DNAH3: variants seen among roughly 807,000 people sequenced by gnomAD.
The protein encoded by DNAH3 is dynein axonemal heavy chain 3, also known as axonemal beta dynein heavy chain 3.
DNAH3 carries 332 observed loss-of-function variants against 432.5 expected under a neutral mutation model. The observed-to-expected ratio is 0.77, with a 90% CI of 0.70 to 0.84. DNAH3 has a LOEUF of 0.84. Among genes scored for constraint, DNAH3 ranks in the 40% least tolerant of loss-of-function variants. DNAH3 has a pLI of 0.00. For synonymous variants in DNAH3, 1,956 were observed against 1,900.2 expected, an observed-to-expected ratio of 1.03 and a Z score of -0.76; for missense variants, 4,861 against 5,114.0, an observed-to-expected ratio of 0.95 and a Z score of 1.51.
chr16:20,939,413 AC>A (rs1179745318), intron 59 of DNAH3, among the ~76,000 whole-genome samples: 4 of 152,146 alleles, frequency 2.6e-5, no homozygotes, highest in Non-Finnish European at 5.9e-5. Flanking sequence ...GGAGTTCGAG[AC>A]CAGCCTGGCC....
chr16:21,122,198 T>C lies in DNAH3; in HGVS notation c.1405-74A>G. The C allele has an allele frequency of 7.3e-6, 9 of 1,225,728 alleles. 2 individuals carry two copies. The South Asian group carries it at 1.2e-4, about 16-fold the overall frequency. The allele number at this position is 1,225,728 out of a possible 1,614,324, so 75.9% of individuals were successfully genotyped here. Reference sequence around the variant, plus strand: ...AAATCAAGGGAGTGAATTTTATACATTCATAGAACTACATGAGGACCAGAA... The same window carrying C: ...AAATCAAGGGAGTGAATTTTATACACTCATAGAACTACATGAGGACCAGAA... On this transcript the variant is annotated intron_variant, in intron 9 of 61. Transcript: ENST00000261383.
intron 41 of DNAH3, among the ~76,000 whole-genome samples, chr16:21,015,284 T>C (rs2087801553): frequency 6.6e-6 from 1 of 152,184 alleles, no homozygotes; most frequent in Non-Finnish European, 1.5e-5. Flanking sequence ...TATTGCTAAG[T>C]GAAATAAGGC....
At chr16:20,945,547 G>A (rs1383488550) in intron 57 of DNAH3, among the ~76,000 whole-genome samples, 1 of 151,304 alleles carries the variant, frequency 6.6e-6, no homozygotes, top group Non-Finnish European at 1.5e-5. Flanking sequence ...CTGGAGTGCA[G>A]TGGTACTATC....
At chr16:20,961,078 C>G (rs1323739101) in intron 53 of DNAH3, among the ~76,000 whole-genome samples, 1 of 152,026 alleles carries the variant, frequency 6.6e-6, no homozygotes, top group Non-Finnish European at 1.5e-5. Flanking sequence ...TAAAAAAAAA[C>G]CTACACGAGG....
chr16:20,993,308 CATA>C (rs1270464708), intron 44 of DNAH3, among the ~76,000 whole-genome samples: 2 of 152,162 alleles, frequency 1.3e-5, no homozygotes, highest in Admixed American at 1.3e-4. Context: ...ATACTCTTTA[CATA>C]ATATCACCTC....
intron 11 of DNAH3, among the ~76,000 whole-genome samples, chr16:21,119,900 G>C (rs1394164967): frequency 1.3e-5 from 2 of 152,036 alleles, no homozygotes; most frequent in Non-Finnish European, 2.9e-5. Context: ...ATGTTGGCCA[G>C]GCTGGTATTG....
rs765252417 is a variant in DNAH3, at chr16:21,033,931, G to A, written c.5197+43C>T. ...TCTCCATGGAGCCAGCCAACTGAGC[G>A]AGGAGTTCTGTCCTCCCTGGAAGCC... On this transcript the variant is annotated intron_variant, in intron 36 of 61. Transcript: ENST00000261383. 44 of 1,422,898 alleles carry A rather than the reference G, an allele frequency of 3.1e-5. No homozygotes were observed. The Admixed American group carries it at 6.0e-4, about 20-fold the overall frequency. The allele number at this position is 1,422,898 out of a possible 1,614,324, so 88.1% of individuals were successfully genotyped here.
rs772735303 is a variant in DNAH3, at chr16:20,964,690, GAGA to G, written c.9191_9193del (p.Phe3064del). On this transcript the variant is annotated inframe_deletion, in exon 53 of 62. Coordinates refer to ENST00000261383, the Ensembl canonical transcript of DNAH3. ...GGATACAATGATGCCATTGTCGATG[GAGA>G]AGGAGTCAACGGGAAGCCCAGCAAT... 2.2e-5 allele frequency: 35 copies of G among 1,614,046 alleles called. No homozygotes were observed. In the East Asian group the frequency reaches 6.7e-4, roughly 31 times the overall value.
intron 1 of DNAH3, among the ~76,000 whole-genome samples, chr16:21,156,156 GTTATTCTTATT>G (rs1167670032): frequency 6.7e-6 from 1 of 148,754 alleles, no homozygotes; most frequent in Non-Finnish European, 1.5e-5. Context: ...CTCTCTGGGA[GTTATTCTTATT>G]TTATTTTATT....
intron 53 of DNAH3, among the ~76,000 whole-genome samples, chr16:20,962,133 C>G (rs1249852067): frequency 6.6e-6 from 1 of 151,346 alleles, no homozygotes; most frequent in East Asian, 2.0e-4. Context: ...TGCAGTCCAG[C>G]CTGGGCGATA....
intron 20 of DNAH3, among the ~76,000 whole-genome samples, chr16:21,079,703 G>C (rs2091111627): frequency 6.6e-6 from 1 of 152,220 alleles, no homozygotes; most frequent in South Asian, 2.1e-4. Context: ...TGCAGCATAA[G>C]TGTTCAATAG....
Position 21,024,623 on chromosome 16 carries a change from G to A in DNAH3, c.5619C>T (p.Ser1873=). The stretch of plus-strand genomic sequence containing the variant: ...ATTCTTTGTGCTCCTTGGTGAGACT[G>A]GAGGGCAGGGTGTCCATGTAGGAAT... Residue 1873 remains serine (S), a synonymous_variant, in exon 39 of 62, where the codon TCC becomes TCT. Transcript: ENST00000261383. 2.5e-6 allele frequency: 4 copies of A among 1,612,382 alleles called. No homozygotes were observed. The East Asian group carries it at 8.9e-5, about 36-fold the overall frequency.
chr16:21,122,699 T>C (rs1412170758), intron 9 of DNAH3, among the ~76,000 whole-genome samples: 1 of 152,206 alleles, frequency 6.6e-6, no homozygotes, highest in Non-Finnish European at 1.5e-5. Flanking sequence ...CTTCCCATCC[T>C]TCAAAATTCA....
chr16:20,959,072 C>T, intron 54 of DNAH3, 107 bp downstream of exon 54: 1 of 1,215,524 alleles, frequency 8.2e-7, no homozygotes, highest in South Asian at 1.4e-5. Context: ...CTGGCCTAGA[C>T]TGAAAGTTTC....
intron 24 of DNAH3, among the ~76,000 whole-genome samples, chr16:21,064,734 C>CT (rs1469626950): frequency 1.3e-5 from 2 of 152,154 alleles, no homozygotes; most frequent in East Asian, 3.9e-4. Context: ...AAATTAAAAT[C>CT]TTTTTTTAGC....
Position 20,950,688 on chromosome 16 carries a change from C to T in DNAH3, c.11188+1745G>A, listed in dbSNP as rs139918577. Among the ~76,000 whole-genome samples, 24 of 152,176 alleles carry T rather than the reference C, an allele frequency of 1.6e-4. No individual in the cohort carries two copies. In the East Asian group the frequency reaches 4.1e-3, roughly 26 times the overall value. On this transcript the variant is annotated intron_variant, in intron 56 of 61. Coordinates refer to ENST00000261383, the Ensembl canonical transcript of DNAH3. ...GAAATTGGGTGTGATCTTGATGCCC[C>T]GGTGTTTTAATTAAGCTGCATTTTG...
At chr16:21,111,867 C>T (rs62034958) in intron 13 of DNAH3, 63 bp from the exon 14 acceptor site, 198,472 of 1,587,858 alleles carry the variant, frequency 0.12, 13,111 homozygotes, top group Non-Finnish European at 0.14. Context: ...TTGCCCCCAG[C>T]CTAACCCCTG....
At chr16:21,156,185 ATTTTATTTTATTTTATTTATTTTAT>A (rs2092896120) in intron 1 of DNAH3, among the ~76,000 whole-genome samples, 2 of 147,566 alleles carry the variant, frequency 1.4e-5, no homozygotes, top group Non-Finnish European at 3.0e-5. Context: ...ATTTTATTTT[ATTTTATTTTATTTTATTTATTTTAT>A]TTTATTTTAT....
At chr16:21,021,705 T>G (rs1383574934) in intron 40 of DNAH3, among the ~76,000 whole-genome samples, 1 of 150,942 alleles carries the variant, frequency 6.6e-6, no homozygotes, top group Non-Finnish European at 1.5e-5. Flanking sequence ...AGGTCAGGAG[T>G]TCAACACCAG....
Sources: allele counts gnomAD v4.1 joint callset (sites outside exome capture counted in the v4.1 genomes callset), GRCh38; gene constraint gnomAD v4.1.1; transcripts MANE v1.5; gene names NCBI Gene and HGNC (gene_info 2026-07-23, HGNC 2026-07-21).